DHTKD1: variants seen among roughly 807,000 people sequenced by gnomAD.
DHTKD1 encodes the protein dehydrogenase E1 and transketolase domain containing 1.
DHTKD1 carries 78 observed loss-of-function variants against 101.8 expected under a neutral mutation model. That is an observed-to-expected ratio of 0.77 (90% CI 0.64 to 0.93). DHTKD1 has a LOEUF of 0.93. Ranked by LOEUF, DHTKD1 falls within the 40% of genes least tolerant of loss-of-function variation. DHTKD1 has a pLI of 0.00. For missense variants in DHTKD1, 1,223 were observed against 1,161.7 expected (o/e 1.05, Z -0.77); for synonymous variants, 462 against 450.3 (o/e 1.03, Z -0.33).
chr10:12,093,956 A>C, intron 6 of DHTKD1, 117 bp from the exon 7 acceptor site: 3 of 912,262 alleles, frequency 3.3e-6, no homozygotes, highest in Non-Finnish European at 5.2e-6. Context: ...TTGTTAACCA[A>C]ACCAATATCT....
At chr10:12,105,091 C>G (rs778061624) in intron 10 of DHTKD1, among the ~76,000 whole-genome samples, 5 of 151,904 alleles carry the variant, frequency 3.3e-5, no homozygotes, top group Non-Finnish European at 5.9e-5. Flanking sequence ...AACTCCTGAC[C>G]TCAGGTGATC....
chr10:12,106,339 C>G lies in DHTKD1; in HGVS notation c.1990C>G (p.Gln664Glu), dbSNP rs1207571033. Reference sequence around the variant, plus strand: ...AAAGTTACTGCCCCTGTGGGAGGCACAGTTTGGCGATTTCTTCAATGGTGC... The same window carrying G: ...AAAGTTACTGCCCCTGTGGGAGGCAGAGTTTGGCGATTTCTTCAATGGTGC... Reference protein sequence around the residue: ...SPKLLPLWEAQFGDFFNGAQI... With the variant: ...SPKLLPLWEAEFGDFFNGAQI... The change falls in exon 11 of 17, where the codon CAG becomes GAG. Residue 664 changes from glutamine to glutamate, a missense_variant. Gln to Glu is a conservative substitution (Grantham distance 29, BLOSUM62 2). Transcript: ENST00000263035. 6.2e-7 allele frequency: 1 copy of G among 1,614,182 alleles called. No homozygotes were observed. Among genetic ancestry groups the G allele is most frequent in the Non-Finnish European group, 8.5e-7 (1 of 1,180,042 alleles).
Position 12,120,244 on chromosome 10 carries a change from T to C in DHTKD1, c.2635T>C (p.Phe879Leu). The change falls in exon 16 of 17, where the codon TTT becomes CTT. Residue 879 changes from phenylalanine to leucine, a missense_variant. Coordinates refer to ENST00000263035, the MANE Select transcript of DHTKD1 (RefSeq NM_018706.7). ...TCCGTGGTCGTTTGTTTCTCCAAGGTTTGAAAAGCAGCTGGCCTGCAAGGT... is the reference window on the plus strand; with the variant it reads ...TCCGTGGTCGTTTGTTTCTCCAAGGCTTGAAAAGCAGCTGGCCTGCAAGGT... ...MGPWSFVSPRFEKQLACKLRL... is the reference protein window; with the variant it reads ...MGPWSFVSPRLEKQLACKLRL... The C allele has an allele frequency of 6.2e-7, 1 of 1,613,900 alleles. No individual in the cohort carries two copies. The highest frequency in any genetic ancestry group is 8.5e-7 in the Non-Finnish European group (1 of 1,179,834).
chr10:12,075,817 C>T (rs1044867254), intron 1 of DHTKD1, among the ~76,000 whole-genome samples: 2 of 151,864 alleles, frequency 1.3e-5, no homozygotes, highest in Admixed American at 1.3e-4. Context: ...AGTTGAAGTA[C>T]GTTTTATCTA....
intron 7 of DHTKD1, among the ~76,000 whole-genome samples, chr10:12,097,276 T>C (rs1242868601): frequency 1.3e-5 from 2 of 152,068 alleles, no homozygotes; most frequent in Non-Finnish European, 2.9e-5. Context: ...TTTAATTTTA[T>C]TTATTTGGTT....
intron 1 of DHTKD1, among the ~76,000 whole-genome samples, chr10:12,073,381 C>CT (rs796421152): frequency 4.7e-4 from 72 of 151,884 alleles, no homozygotes; most frequent in African/African-American, 1.6e-3. Context: ...GGGTCTTGCT[C>CT]TGTCACCCAG....
chr10:12,091,428 A>T, intron 5 of DHTKD1, 85 bp from the exon 6 acceptor site: 1 of 880,036 alleles, frequency 1.1e-6, no homozygotes, highest in African/African-American at 1.7e-5. Context: ...AAAAAAAAAA[A>T]AAGTTATTCC....
chr10:12,074,570 G>C (rs1191334791), intron 1 of DHTKD1, among the ~76,000 whole-genome samples: 1 of 151,514 alleles, frequency 6.6e-6, no homozygotes, highest in Non-Finnish European at 1.5e-5. Flanking sequence ...GTGTTAGCCA[G>C]GATGGTTTCG....
Position 12,101,135 on chromosome 10 carries a change from A to C in DHTKD1, c.1850A>C (p.Tyr617Ser), listed in dbSNP as rs773859468. The change falls in exon 10 of 17, where the codon TAC becomes TCC. Residue 617 changes from tyrosine (Y) to serine (S), a missense_variant. Transcript: ENST00000263035. Reference protein sequence around the residue: ...IVVCQETDDTYIPLNHMDPNQ... With the variant: ...IVVCQETDDTSIPLNHMDPNQ... ...GTTTGCCAGGAGACGGATGACACCTACATCCCCCTGAACCATATGGACCCA... is the reference window on the plus strand; with the variant it reads ...GTTTGCCAGGAGACGGATGACACCTCCATCCCCCTGAACCATATGGACCCA... 12 of 1,613,978 alleles carry C rather than the reference A, an allele frequency of 7.4e-6. No individual in the cohort carries two copies. The highest frequency in any genetic ancestry group is 1.0e-5 in the Non-Finnish European group (12 of 1,179,998).
In DHTKD1 at chr10:12,120,802, C is replaced by T. The variant is rs769939471; in HGVS notation, c.2674C>T (p.Arg892Trp). 17 of 1,613,950 alleles carry T rather than the reference C, an allele frequency of 1.1e-5. No individual in the cohort carries two copies. Among genetic ancestry groups the T allele is most frequent in the African/African-American group, 6.7e-5 (5 of 74,916 alleles). The change falls in exon 17 of 17, where the codon CGG (arginine) becomes TGG (tryptophan). Residue 892 changes from arginine (R) to tryptophan (W), a missense_variant. Arg to Trp is a moderately radical substitution (Grantham distance 101). Transcript: ENST00000263035. ...GCACTTATAGCTCCGTCTGGTGGGC[C>T]GGCCCCCTTTGCCAGTACCCGCTGT... ...QLACKLRLVG[R>W]PPLPVPAVGI...
At chr10:12,090,159 T>C (rs1564391679) in intron 5 of DHTKD1, among the ~76,000 whole-genome samples, 1 of 152,174 alleles carries the variant, frequency 6.6e-6, no homozygotes, top group Admixed American at 6.6e-5. Flanking sequence ...ATATGAACCT[T>C]TAACTACAGG....
Position 12,087,461 on chromosome 10 carries a change from C to A in DHTKD1, c.523-74C>A. The stretch of plus-strand genomic sequence containing the variant: ...GAGTGTGGGGCCATCTCACAACACA[C>A]ACAGACTTATCTGCCTTCCACTGGA... On this transcript the variant is annotated intron_variant, in intron 3 of 16. Coordinates refer to ENST00000263035, the MANE Select transcript of DHTKD1 (RefSeq NM_018706.7). The surrounding 1 kb of genome is among the most constrained non-coding windows in gnomAD (Gnocchi z 5.2). The A allele has an allele frequency of 7.3e-7, 1 of 1,365,800 alleles. No individual in the cohort carries two copies. Among genetic ancestry groups the A allele is most frequent in the Non-Finnish European group, 1.0e-6 (1 of 992,572 alleles). The allele number at this position is 1,365,800 out of a possible 1,614,324, so 84.6% of individuals were successfully genotyped here.
At chr10:12,118,465 C>T (rs985924425) in intron 14 of DHTKD1, among the ~76,000 whole-genome samples, 1 of 150,692 alleles carries the variant, frequency 6.6e-6, no homozygotes, top group Non-Finnish European at 1.5e-5. Flanking sequence ...TCACTGCAAG[C>T]TCCGCCTCCC....
At chr10:12,085,394 G>T (rs1336165497) in intron 3 of DHTKD1, among the ~76,000 whole-genome samples, 5 of 152,160 alleles carry the variant, frequency 3.3e-5, no homozygotes, top group African/African-American at 1.2e-4. Flanking sequence ...CAACACAACA[G>T]ATCATATAAC....
rs1194191388 is a variant in DHTKD1 at position 12,087,734 on chromosome 10, G to A, written c.717+5G>A. 8 of 1,578,614 alleles carry A rather than the reference G, an allele frequency of 5.1e-6. No individual in the cohort carries two copies. Among genetic ancestry groups the A allele is most frequent in the Non-Finnish European group, 6.9e-6 (8 of 1,162,700 alleles). On this transcript the variant is annotated splice_donor_5th_base_variant and intron_variant, in intron 4 of 16. Transcript: ENST00000263035. The surrounding 1 kb of genome is among the most constrained non-coding windows in gnomAD (Gnocchi z 5.2). ...CTTCTGCAGTTCCCTCCAGAGGTAA[G>A]GTTACTCGCTGTGTTTCTCAGTAGC...
At position 12,069,062 on chromosome 10, in the gene DHTKD1, G is replaced by T. The variant is rs756935526; in HGVS notation, c.29G>T (p.Arg10Leu). Residue 10 changes from arginine to leucine, a missense_variant, in exon 1 of 17, where the codon CGA becomes CTA. Coordinates refer to ENST00000263035, the MANE Select transcript of DHTKD1 (RefSeq NM_018706.7). ...GCCTCTGCTACTGCGGCAGCAGCAC[G>T]ACGGGGCCTCGGCCGGGCTCTCCCT... MASATAAAA[R>L]RGLGRALPLF... 5.6e-6 allele frequency: 9 copies of T among 1,613,020 alleles called. No individual in the cohort carries two copies. Among genetic ancestry groups the T allele is most frequent in the Non-Finnish European group, 6.8e-6 (8 of 1,179,646 alleles).
chr10:12,086,363 G>T (rs1213517520), intron 3 of DHTKD1, among the ~76,000 whole-genome samples: 1 of 151,448 alleles, frequency 6.6e-6, no homozygotes. Context: ...TGGGACTACA[G>T]GTGCATGCCA....
intron 1 of DHTKD1, among the ~76,000 whole-genome samples, chr10:12,069,518 CTTTTTTTTT>C (rs10691718): frequency 2.5e-5 from 2 of 81,552 alleles, no homozygotes; most frequent in Admixed American, 3.5e-4. Flanking sequence ...TTTTTGTTTC[CTTTTTTTTT>C]TTTTTTTTTT....
Position 12,089,172 on chromosome 10 carries a change from C to T in DHTKD1, c.904C>T (p.Arg302Cys), listed in dbSNP as rs971222205. ...CAACCCCGTGGCCGTGGGCAAAACT[C>T]GCGGCAGGCAGCAGTCTCGCCAAGA... Reference protein sequence around the residue: ...AVNPVAVGKTRGRQQSRQDGD... With the variant: ...AVNPVAVGKTCGRQQSRQDGD... Residue 302 changes from arginine (R) to cysteine (C), a missense_variant, in exon 5 of 17, where the codon CGC (arginine) becomes TGC (cysteine). Physicochemically the swap from Arg to Cys is radical, Grantham distance 180. Coordinates refer to ENST00000263035, the MANE Select transcript of DHTKD1 (RefSeq NM_018706.7). The T allele has an allele frequency of 1.4e-5, 23 of 1,614,138 alleles. No individual in the cohort carries two copies. Among genetic ancestry groups the T allele is most frequent in the South Asian group, 2.2e-5 (2 of 91,086 alleles).
Sources: gnomAD v4.1 joint callset for allele counts (sites outside exome capture counted in the v4.1 genomes callset) on GRCh38, gnomAD v4.1.1 for gene constraint, Gnocchi (gnomAD v3.1) non-coding constraint, MANE v1.5 for transcripts, NCBI Gene and HGNC (gene_info 2026-07-23, HGNC 2026-07-21) for gene names.